CACNA1E: variants seen among roughly 807,000 people sequenced by gnomAD.
CACNA1E encodes the protein voltage-dependent R-type calcium channel subunit alpha-1E.
In CACNA1E, 40 loss-of-function variants were observed where a neutral mutation model predicts 259.2. The ratio of observed to expected loss-of-function variants is 0.15; its 90% CI spans 0.12 to 0.20. CACNA1E has a LOEUF of 0.20. CACNA1E is among the 10% of genes least tolerant of loss of function. The pLI, the probability that CACNA1E is intolerant of heterozygous loss-of-function variation, is 1.00. For synonymous variants in CACNA1E, 1,104 were observed against 1,138.5 expected (o/e 0.97, Z 0.61); for missense variants, 1,874 against 3,040.1 (o/e 0.62, Z 9.02).
rs142093952 is a variant in CACNA1E, at chr1:181,671,059, G to A, written c.1055+19618G>A. Among the ~76,000 whole-genome samples the A allele has an allele frequency of 6.9e-3, 1,043 of 152,182 alleles. 12 individuals are homozygous for A. The highest frequency in any genetic ancestry group is 0.024 in the African/African-American group (1,001 of 41,516). On this transcript the variant is annotated intron_variant, in intron 7 of 47. Transcript: ENST00000367573. ...ATTATTATTGTTATTATTGAGACAC[G>A]GTCTTGCTCTGTCACCCATGCTGGA...
At chr1:181,520,004 C>T (rs1057478575) in intron 3 of CACNA1E, among the ~76,000 whole-genome samples, 2 of 152,116 alleles carry the variant, frequency 1.3e-5, no homozygotes, top group Non-Finnish European at 2.9e-5. Flanking sequence ...GCTGTAGCTA[C>T]CTCCACCAGG....
At chr1:181,478,616 A>G (rs1165308103), upstream of CACNA1E, among the ~76,000 whole-genome samples, 1 of 152,080 alleles carries the variant, frequency 6.6e-6, no homozygotes, top group Non-Finnish European at 1.5e-5. Flanking sequence ...TAACTTAAGC[A>G]TAAGCTATCT....
chr1:181,479,150 T>C (rs1219195962), upstream of CACNA1E, among the ~76,000 whole-genome samples: 1 of 152,166 alleles, frequency 6.6e-6, no homozygotes, highest in Admixed American at 6.5e-5. Flanking sequence ...AGGGTGTGTG[T>C]GGGGCTGCAC....
chr1:181,491,528 G>A (rs1200191931), intron 1 of CACNA1E, among the ~76,000 whole-genome samples: 1 of 152,184 alleles, frequency 6.6e-6, no homozygotes, highest in Non-Finnish European at 1.5e-5. Flanking sequence ...CTTTCTAGAA[G>A]GCCAGTCTTA....
intron 7 of CACNA1E, among the ~76,000 whole-genome samples, chr1:181,694,946 C>A (rs1163639644): frequency 6.6e-6 from 1 of 152,090 alleles, no homozygotes; most frequent in African/African-American, 2.4e-5. Flanking sequence ...AATTTTTTCA[C>A]AGATAACATG....
chr1:181,495,533 T>A (rs1664673732), intron 1 of CACNA1E, among the ~76,000 whole-genome samples: 1 of 152,260 alleles, frequency 6.6e-6, no homozygotes, highest in Non-Finnish European at 1.5e-5. Flanking sequence ...AGTATATGGT[T>A]AATTTCAGAT....
chr1:181,321,581 C>A (rs1232778352), intron 1 of CACNA1E, among the ~76,000 whole-genome samples: 1 of 152,190 alleles, frequency 6.6e-6, no homozygotes, highest in East Asian at 1.9e-4. Context: ...GGGAACCAGA[C>A]CATCACTAGT....
chr1:181,733,119 T>C, intron 20 of CACNA1E, 85 bp downstream of exon 20: 2 of 1,435,202 alleles, frequency 1.4e-6, no homozygotes, highest in Non-Finnish European at 1.8e-6. Context: ...GAGCTCCAGT[T>C]TCTTCTCCTA....
Position 181,794,932 on chromosome 1 carries a change from G to T in CACNA1E, c.6096G>T (p.Ser2032=), listed in dbSNP as rs371656846. 3 of 1,613,692 alleles carry T rather than the reference G, an allele frequency of 1.9e-6. No homozygotes were observed. Among genetic ancestry groups the T allele is most frequent in the Non-Finnish European group, 2.5e-6 (3 of 1,179,680 alleles). The part of the protein sequence containing the change: ...STIRDKRSNS[S]WLEEFSMERS... ...TTCGGGATAAGCGTTCAAATTCCTC[G>T]TGGTTGGAGGAATTCTCCATGGAGC... Residue 2032 remains serine, a synonymous_variant, in exon 46 of 48, where the codon TCG becomes TCT. Coordinates refer to ENST00000367573, the MANE Select transcript of CACNA1E (RefSeq NM_001205293.3).
intron 6 of CACNA1E, among the ~76,000 whole-genome samples, chr1:181,585,633 A>G (rs952024156): frequency 6.6e-6 from 1 of 152,244 alleles, no homozygotes. Flanking sequence ...CAGGAGGACC[A>G]CATTGAGAAG....
chr1:181,790,193 T>C (rs979118397), intron 43 of CACNA1E, among the ~76,000 whole-genome samples: 6 of 152,152 alleles, frequency 3.9e-5, no homozygotes, highest in African/African-American at 1.4e-4. Context: ...TGACAAATGA[T>C]GTCATTTGTC....
chr1:181,482,548 T>C (rs896431797), upstream of CACNA1E, among the ~76,000 whole-genome samples: 6 of 152,362 alleles, frequency 3.9e-5, no homozygotes, highest in East Asian at 1.2e-3. Flanking sequence ...GCCTTCCGGC[T>C]GCGTCCCCGC....
At chr1:181,586,137 G>C (rs1274197927) in intron 6 of CACNA1E, among the ~76,000 whole-genome samples, 40 of 152,206 alleles carry the variant, frequency 2.6e-4, no homozygotes, top group Admixed American at 2.6e-3. Context: ...TAGAGCTCAT[G>C]GGATTCTTCG....
intron 2 of CACNA1E, among the ~76,000 whole-genome samples, chr1:181,432,518 G>GA (rs903707412): frequency 5.3e-5 from 8 of 151,966 alleles, no homozygotes; most frequent in Non-Finnish European, 8.8e-5. Flanking sequence ...AGGACATTGA[G>GA]AAAAAAAATC....
intron 1 of CACNA1E, among the ~76,000 whole-genome samples, chr1:181,367,798 T>C (rs1654391136): frequency 6.6e-6 from 1 of 152,080 alleles, no homozygotes; most frequent in Admixed American, 6.6e-5. Flanking sequence ...TGAATATAAT[T>C]CTATTCCAGA....
intron 7 of CACNA1E, among the ~76,000 whole-genome samples, chr1:181,652,620 A>G (rs1005469613): frequency 6.6e-6 from 1 of 152,200 alleles, no homozygotes; most frequent in Non-Finnish European, 1.5e-5. Flanking sequence ...AGGCTCAGGA[A>G]TTGGAGACAC....
At chr1:181,723,580 C>T (rs894400075) in intron 16 of CACNA1E, among the ~76,000 whole-genome samples, 1 of 152,084 alleles carries the variant, frequency 6.6e-6, no homozygotes, top group Non-Finnish European at 1.5e-5. Flanking sequence ...CATCAGATCC[C>T]ACAGGTCGAT....
chr1:181,793,114 A>C (rs1661473070), intron 44 of CACNA1E, among the ~76,000 whole-genome samples: 1 of 152,200 alleles, frequency 6.6e-6, no homozygotes, highest in African/African-American at 2.4e-5. Flanking sequence ...TCATCCTTCC[A>C]TGGGACTGTG....
rs1233029285 is a variant in CACNA1E, at chr1:181,758,844, G to A, written c.4581G>A (p.Leu1527=). 6.2e-7 allele frequency: 1 copy of A among 1,610,372 alleles called. No homozygotes were observed. Among genetic ancestry groups the A allele is most frequent in the Non-Finnish European group, 8.5e-7 (1 of 1,176,668 alleles). The change falls in exon 32 of 48, where the codon CTG becomes CTA. Residue 1527 remains leucine, a synonymous_variant. Coordinates refer to ENST00000367573, the MANE Select transcript of CACNA1E (RefSeq NM_001205293.3). This position sits in a 1 kb window ranked among gnomAD's most constrained non-coding sequence, Gnocchi z 4.2. The part of the protein sequence containing the change: ...FTMVFSLECV[L]KVIAFGFLNY... ...TGGTGTTTTCCCTGGAATGTGTCCT[G>A]AAGGTCATCGCTTTTGGCTTTTTGG...
Sources: gnomAD v4.1 joint callset for allele counts (sites outside exome capture counted in the v4.1 genomes callset) on GRCh38, gnomAD v4.1.1 for gene constraint, Gnocchi (gnomAD v3.1) non-coding constraint, MANE v1.5 for transcripts, NCBI Gene and HGNC (gene_info 2026-07-23, HGNC 2026-07-21) for gene names.